The following NBAS variants were observed in gnomAD, a reference collection of about 807,000 sequenced individuals.
The protein encoded by NBAS is NBAS subunit of NRZ tethering complex.
Under a neutral mutation model 302.5 loss-of-function variants are expected in NBAS, and 219 were observed. The ratio of observed to expected loss-of-function variants is 0.72; its 90% CI spans 0.65 to 0.81. The LOEUF is 0.81. NBAS is among the 30% of genes least tolerant of loss of function. The pLI is 0.00. For missense variants in NBAS, 2,932 were observed against 2,841.6 expected, an observed-to-expected ratio of 1.03 and a Z score of -0.72; for synonymous variants, 1,118 against 1,021.6, an observed-to-expected ratio of 1.09 and a Z score of -1.80.
intron 21 of NBAS, among the ~76,000 whole-genome samples, chr2:15,444,634 A>T (rs1368540614): frequency 6.6e-6 from 1 of 152,190 alleles, no homozygotes; most frequent in East Asian, 1.9e-4. Flanking sequence ...CAATGGCAAC[A>T]AAAGCCAAAA....
chr2:14,792,624 CAT>C, the NBAS span, among the ~76,000 whole-genome samples: 1 of 151,884 alleles, frequency 6.6e-6, no homozygotes, highest in East Asian at 1.9e-4. Flanking sequence ...CAAAATCCCA[CAT>C]GTTAACCCTA....
chr2:14,941,665 T>C, the NBAS span, among the ~76,000 whole-genome samples: 1 of 152,208 alleles, frequency 6.6e-6, no homozygotes, highest in Non-Finnish European at 1.5e-5. Context: ...AGGACTACAC[T>C]CAATTAGGAG....
At chr2:15,079,749 T>C in the NBAS span, among the ~76,000 whole-genome samples, 31 of 152,168 alleles carry the variant, frequency 2.0e-4, no homozygotes, top group African/African-American at 7.2e-4. Flanking sequence ...TGGTCCTCCT[T>C]GTGCCACTCA....
chr2:15,339,443 A>G (rs1163964861), intron 35 of NBAS, among the ~76,000 whole-genome samples: 2 of 152,188 alleles, frequency 1.3e-5, no homozygotes, highest in Non-Finnish European at 2.9e-5. Flanking sequence ...ATTTCACAGC[A>G]GAACTTACCC....
intron 44 of NBAS, among the ~76,000 whole-genome samples, chr2:15,261,864 G>A (rs939042878): frequency 9.9e-5 from 15 of 152,104 alleles, no homozygotes; most frequent in South Asian, 4.1e-4. Flanking sequence ...TGCTTGTAGT[G>A]GTATATACCA....
At chr2:15,337,993 T>C (rs1672669698) in intron 35 of NBAS, among the ~76,000 whole-genome samples, 1 of 152,186 alleles carries the variant, frequency 6.6e-6, no homozygotes, top group African/African-American at 2.4e-5. Context: ...AAATTTAACA[T>C]GAAATCTCAT....
At chr2:15,381,497 A>T (rs1424545334) in intron 29 of NBAS, among the ~76,000 whole-genome samples, 1 of 152,224 alleles carries the variant, frequency 6.6e-6, no homozygotes, top group Admixed American at 6.5e-5. Context: ...AAATATTTTT[A>T]AAATGTAATA....
At chr2:15,031,886 C>CTTTCATA in the NBAS span, among the ~76,000 whole-genome samples, 5 of 152,178 alleles carry the variant, frequency 3.3e-5, no homozygotes, top group Admixed American at 3.3e-4. Flanking sequence ...CAGGGAGGGC[C>CTTTCATA]TCCTGAAAGC....
chr2:15,043,070 G>A, the NBAS span, among the ~76,000 whole-genome samples: 118 of 152,244 alleles, frequency 7.8e-4, 1 homozygote, highest in African/African-American at 2.6e-3. Context: ...TCCAACCCCC[G>A]ATTTACATAA....
At chr2:14,896,099 A>G in the NBAS span, among the ~76,000 whole-genome samples, 1 of 152,048 alleles carries the variant, frequency 6.6e-6, no homozygotes, top group South Asian at 2.1e-4. Flanking sequence ...AAACAACAAA[A>G]TTAATCCGGG....
the NBAS span, among the ~76,000 whole-genome samples, chr2:14,856,604 T>G: frequency 3.3e-5 from 5 of 152,088 alleles, no homozygotes; most frequent in African/African-American, 1.2e-4. Flanking sequence ...ACAAAGAGAC[T>G]GAAATAATTA....
At chr2:15,555,902 C>T (rs1407324484) in intron 3 of NBAS, among the ~76,000 whole-genome samples, 2 of 152,088 alleles carry the variant, frequency 1.3e-5, no homozygotes, top group African/African-American at 4.8e-5. Context: ...GACACCTCAT[C>T]CAAGGGTGTT....
At position 15,330,714 on chromosome 2, in the gene NBAS, T is replaced by G; in HGVS notation, c.4231A>C (p.Thr1411Pro). 1 of 1,614,074 alleles carries G rather than the reference T, an allele frequency of 6.2e-7. No individual in the cohort carries two copies. Among genetic ancestry groups the G allele is most frequent in the Non-Finnish European group, 8.5e-7 (1 of 1,179,964 alleles). ...SNSADLLRWT[T>P]ATTMKVLSNT... is the part of the protein sequence containing the mutation. ...GAAAGGACTTTCATGGTGGTAGCAG[T>G]GGTCCAGCGCAATAGGTCAGCTGAA... Residue 1411 changes from threonine (T) to proline (P), a missense_variant, in exon 36 of 52, where the codon ACT becomes CCT. Physicochemically the swap from Thr to Pro is conservative, Grantham distance 38. Coordinates refer to ENST00000281513, the MANE Select transcript of NBAS (RefSeq NM_015909.4).
At chr2:15,394,487 C>T (rs1017465580) in intron 27 of NBAS, 138 bp from the exon 28 acceptor site, 19 of 823,328 alleles carry the variant, frequency 2.3e-5, no homozygotes, top group East Asian at 5.4e-5. Context: ...TTACATATAA[C>T]GTTGATTCTC....
At chr2:15,498,067 G>A (rs1681134326) in intron 11 of NBAS, among the ~76,000 whole-genome samples, 1 of 152,130 alleles carries the variant, frequency 6.6e-6, no homozygotes, top group African/African-American at 2.4e-5. Context: ...TAATCTGCCT[G>A]CAAAATGGGT....
the NBAS span, among the ~76,000 whole-genome samples, chr2:15,143,056 AT>A: frequency 1.3e-5 from 2 of 152,176 alleles, no homozygotes; most frequent in African/African-American, 4.8e-5. Flanking sequence ...CCGTTGAAAT[AT>A]GTACTTGGTT....
chr2:15,525,738 T>G (rs539670684), intron 9 of NBAS, among the ~76,000 whole-genome samples: 3 of 152,196 alleles, frequency 2.0e-5, no homozygotes, highest in Non-Finnish European at 4.4e-5. Flanking sequence ...ACTAACTTTT[T>G]GTAGCTATCA....
At chr2:14,845,384 T>C in the NBAS span, among the ~76,000 whole-genome samples, 1 of 152,196 alleles carries the variant, frequency 6.6e-6, no homozygotes, top group Non-Finnish European at 1.5e-5. Context: ...ATGGCTTATA[T>C]CACAACACCC....
the NBAS span, among the ~76,000 whole-genome samples, chr2:15,109,683 A>G: frequency 6.6e-6 from 1 of 152,078 alleles, no homozygotes; most frequent in Non-Finnish European, 1.5e-5. Flanking sequence ...CACAGAGTAG[A>G]AAGAAGACAA....
Sources: allele counts gnomAD v4.1 joint callset (sites outside exome capture counted in the v4.1 genomes callset), GRCh38; gene constraint gnomAD v4.1.1; transcripts MANE v1.5; gene names NCBI Gene and HGNC (gene_info 2026-07-23, HGNC 2026-07-21).